Variants in MIGA1 observed in about 807,000 individuals in gnomAD.
MIGA1 encodes family with sequence similarity 73, member A.
A neutral mutation model predicts 82.0 loss-of-function variants in MIGA1; 58 were observed. That is an observed-to-expected ratio of 0.71 (90% CI 0.57 to 0.88). MIGA1 has a LOEUF of 0.88. MIGA1 is among the 40% of genes least tolerant of loss of function. MIGA1 has a pLI of 0.00. For missense variants in MIGA1, 751 were observed against 749.1 expected, an observed-to-expected ratio of 1.00 and a Z score of -0.03; for synonymous variants, 249 against 253.6, an observed-to-expected ratio of 0.98 and a Z score of 0.17.
intron 7 of MIGA1, among the ~76,000 whole-genome samples, chr1:77,836,077 C>G (rs1684413493): frequency 6.6e-6 from 1 of 152,088 alleles, no homozygotes; most frequent in African/African-American, 2.4e-5. Context: ...TTTTCATGTC[C>G]TGGGGACGGT....
chr1:77,848,029 G>C, intron 8 of MIGA1: 3 of 1,274,620 alleles, frequency 2.4e-6, no homozygotes, highest in Non-Finnish European at 2.3e-6. Flanking sequence ...AGAGGGCACA[G>C]TGCCAGACAC....
intron 9 of MIGA1, 53 bp downstream of exon 9, chr1:77,859,109 GTACT>G (rs752517265): frequency 3.1e-5 from 36 of 1,155,304 alleles, no homozygotes; most frequent in African/African-American, 2.1e-4. Flanking sequence ...TGTTTGTGTG[GTACT>G]TACTAAAAAT....
chr1:77,847,593 C>A, intron 8 of MIGA1: 1 of 1,532,734 alleles, frequency 6.5e-7, no homozygotes, highest in Non-Finnish European at 9.0e-7. Context: ...GAAAAAACTG[C>A]AAGAGAGAGC....
At chr1:77,779,823 G>A in intron 1 of MIGA1, 87 bp downstream of exon 1, 4 of 1,453,094 alleles carry the variant, frequency 2.8e-6, no homozygotes, top group Non-Finnish European at 3.6e-6. Context: ...CAGAGGCCTC[G>A]GGGCAGGGGT....
intron 2 of MIGA1, among the ~76,000 whole-genome samples, chr1:77,791,452 G>A (rs1682420919): frequency 2.0e-5 from 3 of 151,754 alleles, no homozygotes; most frequent in South Asian, 4.2e-4. Context: ...ATTTACTGAG[G>A]GTCATTTAAT....
At chr1:77,841,385 T>C (rs1343902687) in intron 7 of MIGA1, among the ~76,000 whole-genome samples, 1 of 151,358 alleles carries the variant, frequency 6.6e-6, no homozygotes, top group Non-Finnish European at 1.5e-5. Context: ...TGGTGCTTAA[T>C]AGGAATGAAC....
At position 77,811,669 on chromosome 1, in the gene MIGA1, AAT is replaced by A. The variant is rs542059422; in HGVS notation, c.638-2062_638-2061del. The stretch of plus-strand genomic sequence containing the variant: ...GGCCTCCTTTTGTAGATGTCTTGCT[AAT>A]ATCTGATACTCGTCTATCGCCTCCA... On this transcript the variant is annotated intron_variant, in intron 5 of 15. Transcript: ENST00000370791. 137 of 1,612,082 alleles carry A rather than the reference AAT, an allele frequency of 8.5e-5. 2 individuals are homozygous for A. The South Asian group carries it at 1.4e-3, about 16-fold the overall frequency.
intron 4 of MIGA1, among the ~76,000 whole-genome samples, 161 bp downstream of exon 4, chr1:77,803,567 C>G (rs1202851178): frequency 6.6e-6 from 1 of 152,118 alleles, no homozygotes; most frequent in African/African-American, 2.4e-5. Flanking sequence ...TTTTTGCTGA[C>G]TATTAGTCAA....
At chr1:77,786,434 C>A (rs1471418043) in intron 2 of MIGA1, among the ~76,000 whole-genome samples, 1 of 152,194 alleles carries the variant, frequency 6.6e-6, no homozygotes. Context: ...ATGGAATTTT[C>A]TTTTCTATGG....
At chr1:77,782,693 T>C (rs1243726518) in intron 1 of MIGA1, among the ~76,000 whole-genome samples, 1 of 152,188 alleles carries the variant, frequency 6.6e-6, no homozygotes, top group East Asian at 1.9e-4. Flanking sequence ...CAAAATCATA[T>C]AGCATATATG....
At chr1:77,783,377 T>C in intron 2 of MIGA1, 26 bp downstream of exon 2, 1 of 1,384,996 alleles carries the variant, frequency 7.2e-7, no homozygotes, top group Non-Finnish European at 1.0e-6. Context: ...AAACAGGAAG[T>C]TGAATATTAA....
intron 14 of MIGA1, chr1:77,868,519 G>A (rs1477859395): frequency 6.6e-6 from 1 of 152,188 alleles, no homozygotes; most frequent in Non-Finnish European, 1.5e-5. Flanking sequence ...GAGCCACTGC[G>A]CCCAACCTAT....
chr1:77,852,657 C>T (rs1685097404), intron 8 of MIGA1, among the ~76,000 whole-genome samples: 1 of 152,072 alleles, frequency 6.6e-6, no homozygotes, highest in Admixed American at 6.5e-5. Context: ...CTAATTTAAT[C>T]TCTGTTTCTT....
At chr1:77,857,378 T>C (rs1197828552) in intron 8 of MIGA1, among the ~76,000 whole-genome samples, 1 of 151,966 alleles carries the variant, frequency 6.6e-6, no homozygotes, top group African/African-American at 2.4e-5. Context: ...TGTATTTATG[T>C]ATTTATTTTG....
intron 2 of MIGA1, among the ~76,000 whole-genome samples, chr1:77,799,446 T>C (rs567672199): frequency 6.6e-6 from 1 of 152,302 alleles, no homozygotes; most frequent in African/African-American, 2.4e-5. Context: ...CTGACTTATG[T>C]TTTTAAACTT....
At position 77,803,321 on chromosome 1, in the gene MIGA1, C is replaced by T. The variant is rs769709975; in HGVS notation, c.425C>T (p.Thr142Ile). Reference sequence around the variant, plus strand: ...AATTTGACATTATCTTTAAGTTCTACCAAAGACAAAGGATCTCAAGTTTGT... The same window carrying T: ...AATTTGACATTATCTTTAAGTTCTATCAAAGACAAAGGATCTCAAGTTTGT... Residue 142 changes from threonine to isoleucine, a missense_variant, in exon 4 of 16, where the codon ACC (threonine) becomes ATC (isoleucine). Thr to Ile is a moderately conservative substitution (Grantham distance 89, BLOSUM62 -1). Coordinates refer to ENST00000370791, the MANE Select transcript of MIGA1 (RefSeq NM_198549.4). The T allele has an allele frequency of 5.8e-6, 9 of 1,560,390 alleles. No individual in the cohort carries two copies. The highest frequency in any genetic ancestry group is 4.9e-5 in the South Asian group (4 of 81,934).
intron 4 of MIGA1, among the ~76,000 whole-genome samples, chr1:77,804,993 C>CTTT (rs67999119): frequency 5.2e-5 from 5 of 95,818 alleles, no homozygotes; most frequent in South Asian, 3.2e-4. Flanking sequence ...TTCCATATTT[C>CTTT]TTTTTTTTTT....
intron 7 of MIGA1, among the ~76,000 whole-genome samples, chr1:77,822,596 A>G (rs982368036): frequency 2.0e-5 from 3 of 152,252 alleles, no homozygotes; most frequent in Admixed American, 2.0e-4. Flanking sequence ...GGGATTTGCC[A>G]TCAAATGTTC....
chr1:77,814,037 G>A (rs1041693226), intron 6 of MIGA1, among the ~76,000 whole-genome samples, 170 bp downstream of exon 6: 3 of 151,906 alleles, frequency 2.0e-5, no homozygotes, highest in Middle Eastern at 3.4e-3. Context: ...CTATAGGGAT[G>A]CACCACCATG....
Sources: gnomAD v4.1 joint callset for allele counts (sites outside exome capture counted in the v4.1 genomes callset) on GRCh38, gnomAD v4.1.1 for gene constraint, MANE v1.5 for transcripts, NCBI Gene and HGNC (gene_info 2026-07-23, HGNC 2026-07-21) for gene names.